Variants in SLC9A6 observed in about 807,000 individuals in gnomAD.
The protein encoded by SLC9A6 is sodium/hydrogen exchanger 6.
In SLC9A6, 6 loss-of-function variants were observed where a neutral mutation model predicts 45.3. The ratio of observed to expected loss-of-function variants is 0.13; its 90% CI spans 0.07 to 0.26. The LOEUF (loss-of-function observed/expected upper bound fraction) is 0.26, where lower values mean the gene tolerates loss of function less well. SLC9A6 is among the 10% of genes least tolerant of loss of function. The pLI is 1.00. For synonymous variants in SLC9A6, 191 were observed against 187.7 expected (o/e 1.02, Z -0.14); for missense variants, 278 against 503.7 (o/e 0.55, Z 4.29).
At chrX:135,978,664 A>G (rs1396851503) in intron 1 of SLC9A6, among the ~76,000 whole-genome samples, 1 of 110,668 alleles carries the variant, frequency 9.0e-6, no homozygotes, top group Non-Finnish European at 1.9e-5. Flanking sequence ...AAAAAAAAAA[A>G]AAATCAAATA....
intron 8 of SLC9A6, 125 bp downstream of exon 8, chrX:136,010,708 C>T: frequency 3.1e-6 from 2 of 639,967 alleles, no homozygotes; most frequent in East Asian, 7.1e-5. Flanking sequence ...TAACTAAGTA[C>T]TTGGTTTGAA....
At chrX:136,043,406 G>T (rs2071546522) in intron 17 of SLC9A6, among the ~76,000 whole-genome samples, 1 of 111,818 alleles carries the variant, frequency 8.9e-6, no homozygotes, top group Non-Finnish European at 1.9e-5. Flanking sequence ...GTATTTAGGG[G>T]AATTTCTAGC....
chrX:135,985,873 C>T (rs782275080), intron 2 of SLC9A6, 46 bp downstream of exon 2: 15 of 1,196,465 alleles, frequency 1.3e-5, no homozygotes, highest in Non-Finnish European at 1.6e-5. Flanking sequence ...GCCCCTTTCT[C>T]TGCCCGCCGG....
intron 15 of SLC9A6, among the ~76,000 whole-genome samples, chrX:136,032,186 C>T (rs1556621214): frequency 8.9e-6 from 1 of 112,226 alleles, no homozygotes; most frequent in Non-Finnish European, 1.9e-5. Flanking sequence ...TCTTGCCTCA[C>T]CCTTCCAGGT....
chrX:135,995,294 G>A (rs1383467197), intron 3 of SLC9A6, among the ~76,000 whole-genome samples: 2 of 111,356 alleles, frequency 1.8e-5, no homozygotes, highest in South Asian at 3.8e-4. Flanking sequence ...TTTGCAGATG[G>A]TCCTTATAGT....
intron 11 of SLC9A6, 93 bp from the exon 12 acceptor site, chrX:136,022,493 G>T: frequency 1.9e-6 from 1 of 513,689 alleles, no homozygotes; most frequent in Non-Finnish European, 3.3e-6. Context: ...TAGAAACTGA[G>T]TTCCCTAAAA....
At position 136,044,528 on chromosome X, in the gene SLC9A6, C is replaced by G; in HGVS notation, c.1844C>G (p.Ser615Cys). ...DGDISLTYGD[S>C]TVNTEPATSS... Reference sequence around the variant, plus strand: ...GACATCAGTTTGACATATGGAGATTCTACTGTGAACACTGAACCGGCCACA... The same window carrying G: ...GACATCAGTTTGACATATGGAGATTGTACTGTGAACACTGAACCGGCCACA... Residue 615 changes from serine to cysteine, a missense_variant, in exon 18 of 18, where the codon TCT (serine) becomes TGT (cysteine). Ser to Cys is a moderately radical substitution (Grantham distance 112). This residue lies in a region of SLC9A6 where 91 missense variants were observed against 125.1 expected (regional missense o/e 0.73). Coordinates refer to ENST00000630721, the MANE Select transcript of SLC9A6 (RefSeq NM_001379110.1). 1 of 1,207,334 alleles carries G rather than the reference C, an allele frequency of 8.3e-7. No homozygotes were observed. The highest frequency in any genetic ancestry group is 1.1e-6 in the Non-Finnish European group (1 of 891,577).
intron 15 of SLC9A6, 179 bp downstream of exon 15, chrX:136,030,341 G>T (rs942763697): frequency 3.5e-5 from 17 of 486,179 alleles, no homozygotes; most frequent in Non-Finnish European, 5.5e-5. Flanking sequence ...AACCAAGTTT[G>T]CCACAGTGCC....
intron 7 of SLC9A6, 122 bp downstream of exon 7, chrX:136,002,335 T>C: frequency 3.7e-6 from 2 of 547,834 alleles, no homozygotes; most frequent in East Asian, 3.5e-5. Context: ...GGCATTTTTT[T>C]CCCTCTTGAA....
chrX:136,030,514 C>T (rs923572099), intron 15 of SLC9A6: 6 of 231,207 alleles, frequency 2.6e-5, no homozygotes, highest in South Asian at 1.4e-4. Flanking sequence ...GAAGGCTTGT[C>T]TCTGATGTAA....
chrX:135,989,395 T>C (rs1194617952), intron 2 of SLC9A6, among the ~76,000 whole-genome samples: 1 of 112,082 alleles, frequency 8.9e-6, no homozygotes. Flanking sequence ...TTACAGATGG[T>C]ATAAAAAGCA....
intron 13 of SLC9A6, among the ~76,000 whole-genome samples, chrX:136,025,257 A>G (rs1293417265): frequency 8.9e-6 from 1 of 112,582 alleles, no homozygotes; most frequent in Non-Finnish European, 1.9e-5. Flanking sequence ...GCTCCCTTGT[A>G]TCTCAAGAGT....
intron 17 of SLC9A6, 76 bp downstream of exon 17, chrX:136,040,257 A>G: frequency 1.3e-6 from 1 of 773,635 alleles, no homozygotes; most frequent in Non-Finnish European, 1.9e-6. Context: ...CACTGGTTTT[A>G]TTTTATTTTG....
rs1556623410 is a variant in SLC9A6 at position 136,045,389 on chromosome X, T to C, written c.*665T>C. The C allele has an allele frequency of 8.9e-6, 1 of 112,741 alleles. No individual in the cohort carries two copies. Among genetic ancestry groups the C allele is most frequent in the African/African-American group, 3.3e-5 (1 of 30,696 alleles). 9.3% of individuals were successfully genotyped at this position (112,741 alleles called of 1,213,427 possible). On this transcript the variant is annotated 3_prime_UTR_variant, in exon 18 of 18. Coordinates refer to ENST00000630721, the MANE Select transcript of SLC9A6 (RefSeq NM_001379110.1). ...AGGCTGCAAATGACTTCTGAGACTT[T>C]ATGTCTTTTCTTCCAGACCAAGACC...
chrX:136,021,765 T>TA (rs1372367297), intron 11 of SLC9A6, among the ~76,000 whole-genome samples: 1 of 111,985 alleles, frequency 8.9e-6, no homozygotes, highest in Non-Finnish European at 1.9e-5. Context: ...GGCCTCAAGC[T>TA]ATCCTCCCGC....
chrX:135,978,054 T>G (rs782460016), intron 1 of SLC9A6, among the ~76,000 whole-genome samples: 35 of 112,597 alleles, frequency 3.1e-4, no homozygotes, highest in Non-Finnish European at 5.4e-4. Flanking sequence ...TAGGTTGTTA[T>G]CAGCATTGAG....
At chrX:136,038,800 T>G (rs2071456771) in intron 16 of SLC9A6, among the ~76,000 whole-genome samples, 1 of 109,080 alleles carries the variant, frequency 9.2e-6, no homozygotes, top group South Asian at 4.0e-4. Flanking sequence ...TCTAAGGAAT[T>G]TTTTCTTGTA....
intron 2 of SLC9A6, among the ~76,000 whole-genome samples, chrX:135,987,148 TA>T (rs2089352135): frequency 8.9e-6 from 1 of 112,245 alleles, no homozygotes; most frequent in Non-Finnish European, 1.9e-5. Context: ...AGCCTGCGTG[TA>T]AAATATCTCT....
chrX:136,023,494 A>G (rs2071174221), intron 12 of SLC9A6, among the ~76,000 whole-genome samples: 2 of 108,982 alleles, frequency 1.8e-5, no homozygotes, highest in Admixed American at 1.0e-4. Flanking sequence ...TTACCCATAC[A>G]GCATGGATGA....
Sources: gnomAD v4.1 joint callset for allele counts (sites outside exome capture counted in the v4.1 genomes callset) on GRCh38, gnomAD v4.1.1 for gene constraint, gnomAD v4.1.1 regional missense constraint, MANE v1.5 for transcripts, NCBI Gene and HGNC (gene_info 2026-07-23, HGNC 2026-07-21) for gene names.